The following CSTPP1 variants were observed in gnomAD, a reference collection of about 807,000 sequenced individuals.
The protein encoded by CSTPP1 is UPF0705 protein C11orf49.
At chr11:47,087,700 ATG>A in the CSTPP1 span, among the ~76,000 whole-genome samples, 1 of 151,970 alleles carries the variant, frequency 6.6e-6, no homozygotes, top group Non-Finnish European at 1.5e-5. Context: ...TCAAATATAT[ATG>A]TGTATGTCAA....
At chr11:47,069,378 A>G in the CSTPP1 span, among the ~76,000 whole-genome samples, 1 of 152,198 alleles carries the variant, frequency 6.6e-6, no homozygotes, top group Middle Eastern at 3.2e-3. Context: ...TCTGAGATGA[A>G]TGTATGATTT....
chr11:47,013,448 G>A, the CSTPP1 span, among the ~76,000 whole-genome samples: 1 of 151,996 alleles, frequency 6.6e-6, no homozygotes, highest in African/African-American at 2.4e-5. Context: ...CCATCCCCAT[G>A]TCCATGTTTT....
the CSTPP1 span, among the ~76,000 whole-genome samples, chr11:46,974,480 C>A: frequency 6.8e-6 from 1 of 147,748 alleles, no homozygotes; most frequent in Admixed American, 6.8e-5. Flanking sequence ...TGAGCAGAGA[C>A]CTTGCCATTG....
At chr11:47,122,091 A>AAAAAATATATAT in the CSTPP1 span, among the ~76,000 whole-genome samples, 11 of 31,836 alleles carry the variant, frequency 3.5e-4, no homozygotes, top group Admixed American at 4.9e-4. Flanking sequence ...AAAAAAAAAA[A>AAAAAATATATAT]ATATATATAT....
chr11:47,053,303 T>C, the CSTPP1 span, among the ~76,000 whole-genome samples: 1 of 152,098 alleles, frequency 6.6e-6, no homozygotes, highest in African/African-American at 2.4e-5. Context: ...ATGGAGCTGC[T>C]GAAAGATCAT....
the CSTPP1 span, chr11:47,155,064 GCT>G: frequency 1.9e-5 from 17 of 914,142 alleles, no homozygotes; most frequent in South Asian, 2.8e-5. Context: ...CCCAGGAACA[GCT>G]CTCTCTCTCC....
the CSTPP1 span, among the ~76,000 whole-genome samples, chr11:47,065,067 A>G: frequency 6.6e-6 from 1 of 152,302 alleles, no homozygotes; most frequent in South Asian, 2.1e-4. Context: ...AAATCAAGAA[A>G]TGTGAGTCAT....
chr11:47,073,453 G>C, the CSTPP1 span, among the ~76,000 whole-genome samples: 13 of 152,186 alleles, frequency 8.5e-5, no homozygotes, highest in East Asian at 1.9e-4. Context: ...GAGCACTTTG[G>C]GGGGCCAGGG....
At chr11:46,953,448 C>T in the CSTPP1 span, among the ~76,000 whole-genome samples, 4 of 152,090 alleles carry the variant, frequency 2.6e-5, no homozygotes, top group South Asian at 6.3e-4. Flanking sequence ...CTTGATGGAA[C>T]ATTTTTAGAA....
At chr11:47,129,824 G>A in the CSTPP1 span, among the ~76,000 whole-genome samples, 1 of 152,120 alleles carries the variant, frequency 6.6e-6, no homozygotes, top group Non-Finnish European at 1.5e-5. Flanking sequence ...CTGGAGAGTT[G>A]TTTTTGTTCA....
At chr11:47,159,895 T>C in the CSTPP1 span, 59 of 351,592 alleles carry the variant, frequency 1.7e-4, no homozygotes, top group South Asian at 1.2e-3. Flanking sequence ...TTCCTGCTAC[T>C]GGGGAGGCTG....
chr11:46,962,026 G>T, the CSTPP1 span, among the ~76,000 whole-genome samples: 22 of 152,186 alleles, frequency 1.4e-4, no homozygotes, highest in Non-Finnish European at 5.9e-5. Context: ...GAAGTGCTGA[G>T]CAAAAGGGGG....
At chr11:46,993,866 G>A in the CSTPP1 span, among the ~76,000 whole-genome samples, 1 of 152,132 alleles carries the variant, frequency 6.6e-6, no homozygotes. Flanking sequence ...ATTACCTTGG[G>A]CAGTATGGCC....
the CSTPP1 span, among the ~76,000 whole-genome samples, chr11:47,102,652 T>C: frequency 6.6e-6 from 1 of 152,228 alleles, no homozygotes; most frequent in Admixed American, 6.5e-5. Context: ...TTCTCAAGTC[T>C]AGAATGTGCA....
At chr11:47,056,167 C>T in the CSTPP1 span, among the ~76,000 whole-genome samples, 2 of 152,100 alleles carry the variant, frequency 1.3e-5, no homozygotes, top group African/African-American at 2.4e-5. Flanking sequence ...GTCAATCTTC[C>T]GTATACAGGG....
chr11:46,979,297 T>G, the CSTPP1 span, among the ~76,000 whole-genome samples: 2 of 152,178 alleles, frequency 1.3e-5, no homozygotes, highest in Non-Finnish European at 2.9e-5. Flanking sequence ...CCTTGTAATT[T>G]TATTACTTCC....
the CSTPP1 span, among the ~76,000 whole-genome samples, chr11:47,107,366 A>G: frequency 6.6e-6 from 1 of 152,268 alleles, no homozygotes; most frequent in Admixed American, 6.5e-5. Context: ...CTCATTGCTC[A>G]CTGTAGTATA....
the CSTPP1 span, among the ~76,000 whole-genome samples, chr11:46,971,096 G>C: frequency 6.6e-6 from 1 of 152,234 alleles, no homozygotes; most frequent in Non-Finnish European, 1.5e-5. Context: ...TGTAGTGTAA[G>C]TTATGGAAGG....
chr11:47,163,126 C>T, the CSTPP1 span, among the ~76,000 whole-genome samples: 1 of 148,058 alleles, frequency 6.8e-6, no homozygotes, highest in African/African-American at 2.5e-5. Flanking sequence ...GAGCCATGAT[C>T]GTGCCACTGC....
Sources: gnomAD v4.1 joint callset for allele counts (sites outside exome capture counted in the v4.1 genomes callset) on GRCh38, gnomAD v4.1.1 for gene constraint, MANE v1.5 for transcripts, NCBI Gene and HGNC (gene_info 2026-07-23, HGNC 2026-07-21) for gene names.